The following SHANK2 variants were observed in gnomAD, a reference collection of about 807,000 sequenced individuals.
SHANK2 encodes the protein SH3 and multiple ankyrin repeat domains 2.
SHANK2 carries 43 observed loss-of-function variants against 133.7 expected under a neutral mutation model. The observed-to-expected ratio is 0.32, with a 90% CI of 0.25 to 0.41. The LOEUF (loss-of-function observed/expected upper bound fraction) is 0.41. Among genes scored for constraint, SHANK2 ranks in the 10% least tolerant of loss-of-function variants. SHANK2 has a pLI of 1.00. For missense variants in SHANK2, 1,994 were observed against 2,235.8 expected (o/e 0.89, Z 2.18); for synonymous variants, 1,017 against 952.8 (o/e 1.07, Z -1.24).
intron 2 of SHANK2, among the ~76,000 whole-genome samples, chr11:71,203,866 C>T (rs1954071042): frequency 5.9e-5 from 9 of 152,238 alleles, no homozygotes; most frequent in Non-Finnish European, 1.5e-5. Context: ...GGCTCAGGAG[C>T]AGGGTGCAGG....
At chr11:71,251,597 G>A (rs1485903040) in intron 1 of SHANK2, among the ~76,000 whole-genome samples, 3 of 151,456 alleles carry the variant, frequency 2.0e-5, no homozygotes, top group African/African-American at 7.3e-5. Flanking sequence ...AGTTGCCAGG[G>A]AAACTTGATC....
chr11:70,818,469 G>T (rs935444394), intron 12 of SHANK2, among the ~76,000 whole-genome samples: 3 of 152,186 alleles, frequency 2.0e-5, no homozygotes, highest in Non-Finnish European at 4.4e-5. Flanking sequence ...GCCAGCTCAA[G>T]TCCCTGGCCA....
At chr11:71,160,264 C>T (rs527707654) in intron 2 of SHANK2, among the ~76,000 whole-genome samples, 3 of 152,142 alleles carry the variant, frequency 2.0e-5, no homozygotes, top group Non-Finnish European at 2.9e-5. Flanking sequence ...TGTCATCCCC[C>T]CTTAAAGCAG....
intron 14 of SHANK2, among the ~76,000 whole-genome samples, chr11:70,717,051 C>A (rs1591780583): frequency 6.6e-6 from 1 of 152,200 alleles, no homozygotes; most frequent in Admixed American, 6.5e-5. Flanking sequence ...TCCCTCTCCA[C>A]CGTTACCACG....
At chr11:70,831,807 C>T (rs374539649) in intron 11 of SHANK2, among the ~76,000 whole-genome samples, 13 of 152,350 alleles carry the variant, frequency 8.5e-5, no homozygotes, top group African/African-American at 3.1e-4. Context: ...GATCAGACGC[C>T]CGCCTCCACT....
chr11:70,693,923 T>C (rs143762244), intron 15 of SHANK2, among the ~76,000 whole-genome samples: 350 of 152,180 alleles, frequency 2.3e-3, no homozygotes, highest in African/African-American at 8.0e-3. Context: ...ACTGGGTGGA[T>C]AGATAAATAG....
chr11:70,676,619 C>A (rs1203959017), intron 15 of SHANK2, among the ~76,000 whole-genome samples: 2 of 152,182 alleles, frequency 1.3e-5, no homozygotes, highest in Non-Finnish European at 2.9e-5. Flanking sequence ...TACTTGCAGC[C>A]AAATGCTTTC....
intron 3 of SHANK2, among the ~76,000 whole-genome samples, chr11:71,141,445 T>C (rs1234938764): frequency 6.6e-6 from 1 of 151,712 alleles, no homozygotes; most frequent in East Asian, 1.9e-4. Flanking sequence ...GAGACAGAGG[T>C]TGCTGTGAGG....
At chr11:70,661,888 G>T in intron 15 of SHANK2, 2 of 1,369,508 alleles carry the variant, frequency 1.5e-6, no homozygotes, top group Non-Finnish European at 2.0e-6. Context: ...GTGGCACAAT[G>T]AGACTTGCAG....
At chr11:70,625,929 C>T (rs1178243027) in intron 17 of SHANK2, among the ~76,000 whole-genome samples, 1 of 151,930 alleles carries the variant, frequency 6.6e-6, no homozygotes, top group Non-Finnish European at 1.5e-5. Context: ...AACCACCAGG[C>T]CAGCGTGGGA....
chr11:70,510,448 TATTGAA>T (rs1460703611), intron 17 of SHANK2, among the ~76,000 whole-genome samples: 1 of 152,194 alleles, frequency 6.6e-6, no homozygotes, highest in Non-Finnish European at 1.5e-5. Context: ...ACAGAGGTCC[TATTGAA>T]ACTGTCCCCT....
chr11:70,914,947 G>C (rs1226442865), intron 10 of SHANK2, among the ~76,000 whole-genome samples: 1 of 150,904 alleles, frequency 6.6e-6, no homozygotes, highest in African/African-American at 2.4e-5. Flanking sequence ...AAATTCAGTT[G>C]TTAAAGTATT....
chr11:70,513,742 C>CTTAA (rs1435107428), intron 17 of SHANK2, among the ~76,000 whole-genome samples: 1 of 152,132 alleles, frequency 6.6e-6, no homozygotes, highest in African/African-American at 2.4e-5. Context: ...ATCAGCTGGG[C>CTTAA]TTAACATCAG....
chr11:70,596,142 T>C (rs1295566569), intron 17 of SHANK2, among the ~76,000 whole-genome samples: 4 of 152,194 alleles, frequency 2.6e-5, no homozygotes, highest in Non-Finnish European at 5.9e-5. Flanking sequence ...GGAGGATCAA[T>C]CTCTGCGGTG....
At chr11:70,532,958 G>C (rs905333435) in intron 17 of SHANK2, among the ~76,000 whole-genome samples, 2 of 152,240 alleles carry the variant, frequency 1.3e-5, no homozygotes, top group African/African-American at 4.8e-5. Context: ...CCAACAAGGA[G>C]AGCCTCAGAG....
Position 70,739,728 on chromosome 11 carries a change from A to G in SHANK2, c.1778-40965T>C, listed in dbSNP as rs1408330992. Among the ~76,000 whole-genome samples, 9 of 152,248 alleles carry G rather than the reference A, an allele frequency of 5.9e-5. No individual in the cohort carries two copies. The highest frequency in any genetic ancestry group is 1.3e-4 in the Admixed American group (2 of 15,294). On this transcript the variant is annotated intron_variant, in intron 14 of 25. Coordinates refer to ENST00000601538, the MANE Select transcript of SHANK2 (RefSeq NM_012309.5). The surrounding 1 kb of genome is among the most constrained non-coding windows in gnomAD (Gnocchi z 4.3). ...CCCCTGCTCCTCAGAATGTGACTGT[A>G]TTTGGAGATAAGGTCTTTAAAGAGG... is the stretch of plus-strand genomic sequence containing the variant.
chr11:70,615,233 C>G (rs961106391), intron 17 of SHANK2, among the ~76,000 whole-genome samples: 2 of 152,108 alleles, frequency 1.3e-5, no homozygotes, highest in Admixed American at 6.5e-5. Flanking sequence ...CTGCCTAATG[C>G]AGCCCACACC....
chr11:71,147,566 G>A (rs548421650), intron 2 of SHANK2, among the ~76,000 whole-genome samples: 30 of 152,322 alleles, frequency 2.0e-4, no homozygotes, highest in South Asian at 4.1e-4. Flanking sequence ...GCCAGAGGCG[G>A]CAGCCAGGAC....
At chr11:70,534,393 G>A (rs904273930) in intron 17 of SHANK2, among the ~76,000 whole-genome samples, 13 of 152,186 alleles carry the variant, frequency 8.5e-5, no homozygotes, top group East Asian at 7.7e-4. Context: ...CTTCCCACTC[G>A]TTCCCTCCCA....
Sources: allele counts gnomAD v4.1 joint callset (sites outside exome capture counted in the v4.1 genomes callset), GRCh38; gene constraint gnomAD v4.1.1; non-coding constraint Gnocchi (gnomAD v3.1); transcripts MANE v1.5; gene names NCBI Gene and HGNC (gene_info 2026-07-23, HGNC 2026-07-21).